The following ABCA13 variants were observed in gnomAD, a reference collection of about 807,000 sequenced individuals.
The protein encoded by ABCA13 is ATP-binding cassette sub-family A member 13.
Under a neutral mutation model 478.7 loss-of-function variants are expected in ABCA13, and 476 were observed. That is an observed-to-expected ratio of 0.99 (90% CI 0.92 to 1.07). ABCA13 has a LOEUF of 1.07. ABCA13 is among the 50% of genes least tolerant of loss of function. ABCA13 has a pLI of 0.00. For synonymous variants in ABCA13, 2,252 were observed against 2,158.9 expected (o/e 1.04, Z -1.20); for missense variants, 6,060 against 5,910.6 (o/e 1.03, Z -0.83).
In ABCA13 at chr7:48,313,064, T is replaced by C; in HGVS notation, c.9517-3T>C. On this transcript the variant is annotated splice_polypyrimidine_tract_variant and splice_region_variant and intron_variant, in intron 24 of 61. Transcript: ENST00000435803. The stretch of plus-strand genomic sequence containing the variant: ...GTTGTTTTGTTTTTGTTTTGTCCTT[T>C]AGACTCTGATGCCTTCTGAAGCAAA... 1 of 1,567,874 alleles carries C rather than the reference T, an allele frequency of 6.4e-7. No homozygotes were observed. Among genetic ancestry groups the C allele is most frequent in the Non-Finnish European group, 8.6e-7 (1 of 1,157,256 alleles).
Position 48,453,855 on chromosome 7 carries a change from G to A in ABCA13, c.12566-1182G>A, listed in dbSNP as rs115221187. ...GGGGACAGAAACCAAAGAGCCCAGCGCCTGCACACACTGGGCACTCAGTAA... is the reference window on the plus strand; with the variant it reads ...GGGGACAGAAACCAAAGAGCCCAGCACCTGCACACACTGGGCACTCAGTAA... On this transcript the variant is annotated intron_variant, in intron 42 of 61. Transcript: ENST00000435803. 8.3e-3 allele frequency among the ~76,000 whole-genome samples: 1,266 copies of A among 152,218 alleles called. 25 individuals are homozygous for A. Among genetic ancestry groups the A allele is most frequent in the African/African-American group, 0.029 (1,215 of 41,542 alleles).
chr7:48,511,863 G>C (rs536457618), intron 51 of ABCA13, among the ~76,000 whole-genome samples: 1 of 151,912 alleles, frequency 6.6e-6, no homozygotes, highest in Non-Finnish European at 1.5e-5. Context: ...ATACTTCAAG[G>C]CTATTTTAAA....
chr7:48,351,745 G>A (rs1443440827), intron 30 of ABCA13, among the ~76,000 whole-genome samples: 1 of 152,170 alleles, frequency 6.6e-6, no homozygotes, highest in Non-Finnish European at 1.5e-5. Flanking sequence ...ATTTAGCTGT[G>A]ATAGGCTTTA....
At chr7:48,571,920 G>A (rs944449540) in intron 55 of ABCA13, among the ~76,000 whole-genome samples, 2 of 152,160 alleles carry the variant, frequency 1.3e-5, no homozygotes, top group Non-Finnish European at 2.9e-5. Context: ...GCTCATGTCT[G>A]TAATCCCAGC....
At chr7:48,564,665 A>G (rs183387568) in intron 55 of ABCA13, among the ~76,000 whole-genome samples, 120 of 151,942 alleles carry the variant, frequency 7.9e-4, no homozygotes, top group Non-Finnish European at 1.4e-3. Flanking sequence ...TCTTTATATA[A>G]AAATTTCTTA....
At chr7:48,284,988 C>T (rs1797530802) in intron 19 of ABCA13, among the ~76,000 whole-genome samples, 1 of 152,174 alleles carries the variant, frequency 6.6e-6, no homozygotes, top group Non-Finnish European at 1.5e-5. Flanking sequence ...GAGTTGAGTT[C>T]AGTATCTCCA....
chr7:48,635,110 G>A (rs114234407), intron 59 of ABCA13, among the ~76,000 whole-genome samples: 2,375 of 151,034 alleles, frequency 0.016, 50 homozygotes, highest in African/African-American at 0.054. Context: ...TAGACAGCCT[G>A]TAGTTTAGCC....
intron 15 of ABCA13, among the ~76,000 whole-genome samples, chr7:48,253,475 T>C (rs1792888363): frequency 6.6e-6 from 1 of 152,116 alleles, no homozygotes; most frequent in South Asian, 2.1e-4. Context: ...TCACAATGAG[T>C]GTGACATTTT....
chr7:48,335,717 A>G (rs572023971), intron 28 of ABCA13, among the ~76,000 whole-genome samples, 182 bp downstream of exon 28: 7 of 152,308 alleles, frequency 4.6e-5, no homozygotes, highest in African/African-American at 1.7e-4. Context: ...TCAGTATTTT[A>G]CCCATGCAAA....
Position 48,313,225 on chromosome 7 carries a change from T to C in ABCA13, c.9675T>C (p.Phe3225=), listed in dbSNP as rs1441829768. The C allele has an allele frequency of 1.2e-6, 2 of 1,609,052 alleles. No individual in the cohort carries two copies. The highest frequency in any genetic ancestry group is 8.5e-7 in the Non-Finnish European group (1 of 1,177,530). ...KITALLETLD[F]QQVSQNVQAR... ...CTGCCTTGCTAGAAACCCTGGACTT[T>C]CAACAGGTGTGTGTTTCATCTTTGT... is the stretch of plus-strand genomic sequence containing the variant. The change falls in exon 25 of 62, where the codon TTT becomes TTC. Residue 3225 remains phenylalanine, a synonymous_variant. Coordinates refer to ENST00000435803, the MANE Select transcript of ABCA13 (RefSeq NM_152701.5).
chr7:48,352,845 C>A (rs1375604794), intron 31 of ABCA13, among the ~76,000 whole-genome samples: 1 of 152,008 alleles, frequency 6.6e-6, no homozygotes, highest in East Asian at 1.9e-4. Context: ...GTTATTTTCT[C>A]TGCAGTGCAA....
intron 46 of ABCA13, 80 bp downstream of exon 46, chr7:48,481,234 A>T: frequency 8.5e-7 from 1 of 1,181,698 alleles, no homozygotes; most frequent in Non-Finnish European, 1.2e-6. Context: ...TAATGTTCTT[A>T]AAAAGTCAAA....
intron 38 of ABCA13, among the ~76,000 whole-genome samples, chr7:48,394,281 C>T (rs1334946877): frequency 6.6e-6 from 1 of 152,184 alleles, no homozygotes; most frequent in Non-Finnish European, 1.5e-5. Context: ...TAAAGCCCTG[C>T]CAGCCTCTCT....
chr7:48,481,204 A>T, intron 46 of ABCA13, 50 bp downstream of exon 46: 4 of 1,392,758 alleles, frequency 2.9e-6, no homozygotes, highest in Non-Finnish European at 4.0e-6. Context: ...TTACTATGGA[A>T]AACTTATTGT....
chr7:48,319,172 G>A (rs1053415839), intron 27 of ABCA13, among the ~76,000 whole-genome samples: 5 of 152,170 alleles, frequency 3.3e-5, no homozygotes, highest in African/African-American at 7.2e-5. Flanking sequence ...GAGGTGTGGG[G>A]AGGTGCCAAG....
chr7:48,617,802 G>A (rs1160066449), intron 59 of ABCA13, among the ~76,000 whole-genome samples: 2 of 152,108 alleles, frequency 1.3e-5, no homozygotes, highest in Non-Finnish European at 2.9e-5. Context: ...CACCTGCTAC[G>A]TCAGTTCACT....
chr7:48,382,614 C>T (rs1239200852), intron 35 of ABCA13, among the ~76,000 whole-genome samples: 1 of 152,104 alleles, frequency 6.6e-6, no homozygotes, highest in Non-Finnish European at 1.5e-5. Context: ...ATTGAACATC[C>T]TGTGTTTGTA....
rs1456643325 is a variant in ABCA13, at chr7:48,187,144, AT to A, written c.70-5807del. Among the ~76,000 whole-genome samples the A allele has an allele frequency of 4.7e-5, 7 of 149,466 alleles. 1 individual carries two copies. Among genetic ancestry groups the A allele is most frequent in the South Asian group, 4.2e-4 (2 of 4,780 alleles). On this transcript the variant is annotated intron_variant, in intron 1 of 61. Coordinates refer to ENST00000435803, the MANE Select transcript of ABCA13 (RefSeq NM_152701.5). ...TTTAAAGGCCATTTAGCTGTGTGTC[AT>A]TTTTTTTAATCCTACTTTTTTTCTC...
chr7:48,262,871 T>C (rs1430516145), intron 15 of ABCA13, among the ~76,000 whole-genome samples: 1 of 151,950 alleles, frequency 6.6e-6, no homozygotes, highest in Non-Finnish European at 1.5e-5. Flanking sequence ...TATAGTCTCC[T>C]CACAGACATC....
Sources: gnomAD v4.1 joint callset for allele counts (sites outside exome capture counted in the v4.1 genomes callset) on GRCh38, gnomAD v4.1.1 for gene constraint, MANE v1.5 for transcripts, NCBI Gene and HGNC (gene_info 2026-07-23, HGNC 2026-07-21) for gene names.